The following NCOA7 variants were observed in gnomAD, a reference collection of about 807,000 sequenced individuals.
NCOA7 encodes the protein nuclear receptor coactivator 7.
A neutral mutation model predicts 104.3 loss-of-function variants in NCOA7; 45 were observed. The ratio of observed to expected loss-of-function variants is 0.43; its 90% confidence interval spans 0.34 to 0.55. NCOA7 has a LOEUF of 0.55. Ranked by LOEUF, NCOA7 falls within the 20% of genes least tolerant of loss-of-function variation. NCOA7 has a pLI of 0.02. For missense variants in NCOA7, 1,041 were observed against 1,119.7 expected, an observed-to-expected ratio of 0.93 and a Z score of 1.00; for synonymous variants, 398 against 402.3, an observed-to-expected ratio of 0.99 and a Z score of 0.13.
At chr6:125,824,301 A>G (rs1017865842) in intron 2 of NCOA7, among the ~76,000 whole-genome samples, 12 of 152,296 alleles carry the variant, frequency 7.9e-5, no homozygotes, top group African/African-American at 2.9e-4. Flanking sequence ...GTCATCTCAC[A>G]AAACCCCCAG....
chr6:125,915,459 G>C lies in NCOA7; in HGVS notation c.2223G>C (p.Glu741Asp), dbSNP rs147659124. 17 of 1,613,820 alleles carry C rather than the reference G, an allele frequency of 1.1e-5. No homozygotes were observed. The African/African-American group carries it at 2.1e-4, about 20-fold the overall frequency. ...ELNMIDNFFS[E>D]PTTKSWEIIT... ...ACATGATTGACAACTTCTTCAGTGA[G>C]CCAACAACCAAGAGCTGGGAGGTGA... The change falls in exon 11 of 16, where the codon GAG (glutamate) becomes GAC (aspartate). Residue 741 changes from glutamate (E) to aspartate (D), a missense_variant. Transcript: ENST00000392477.
intron 1 of NCOA7, among the ~76,000 whole-genome samples, chr6:125,781,590 C>G (rs1191481959): frequency 6.6e-6 from 1 of 152,148 alleles, no homozygotes; most frequent in Non-Finnish European, 1.5e-5. Context: ...AATCTTAGAT[C>G]AAGTTCAGTA....
intron 1 of NCOA7, among the ~76,000 whole-genome samples, chr6:125,794,483 A>G (rs894116972): frequency 6.6e-6 from 1 of 152,080 alleles, no homozygotes; most frequent in African/African-American, 2.4e-5. Context: ...CTTGATTCTG[A>G]TGTTTATCTA....
At chr6:125,842,980 A>G (rs1411194709) in intron 2 of NCOA7, among the ~76,000 whole-genome samples, 2 of 152,326 alleles carry the variant, frequency 1.3e-5, no homozygotes, top group African/African-American at 4.8e-5. Flanking sequence ...ATGTGATATG[A>G]TGCTCAGTTT....
At chr6:125,856,856 G>T (rs1228631428) in intron 3 of NCOA7, among the ~76,000 whole-genome samples, 1 of 152,152 alleles carries the variant, frequency 6.6e-6, no homozygotes, top group African/African-American at 2.4e-5. Context: ...TTGGTCCAAG[G>T]TAAGGGAAAC....
chr6:125,857,438 TATA>T (rs764911588), intron 3 of NCOA7, among the ~76,000 whole-genome samples: 61 of 127,136 alleles, frequency 4.8e-4, no homozygotes, highest in African/African-American at 2.4e-3. Context: ...CATATATATA[TATA>T]TTTTTTTTTT....
intron 3 of NCOA7, among the ~76,000 whole-genome samples, chr6:125,863,612 A>G (rs1782221238): frequency 7.2e-6 from 1 of 138,322 alleles, no homozygotes; most frequent in Admixed American, 6.9e-5. Flanking sequence ...ATAAAAGAGG[A>G]AAAATACTCT....
At chr6:125,873,089 C>T (rs966131097) in intron 3 of NCOA7, among the ~76,000 whole-genome samples, 1 of 152,108 alleles carries the variant, frequency 6.6e-6, no homozygotes, top group Non-Finnish European at 1.5e-5. Flanking sequence ...TATGTCACCC[C>T]TCAGTCTTCA....
chr6:125,814,989 G>A (rs1777449745), intron 1 of NCOA7, among the ~76,000 whole-genome samples: 1 of 152,076 alleles, frequency 6.6e-6, no homozygotes, highest in Admixed American at 6.5e-5. Flanking sequence ...ACATAGTTAG[G>A]CTACAATCTT....
At chr6:125,835,422 T>A (rs1270407402) in intron 2 of NCOA7, among the ~76,000 whole-genome samples, 2 of 152,078 alleles carry the variant, frequency 1.3e-5, no homozygotes, top group African/African-American at 4.8e-5. Flanking sequence ...CTGGTTCACA[T>A]AAGTAAAAAG....
chr6:125,812,478 AG>A (rs1424036488), intron 1 of NCOA7, among the ~76,000 whole-genome samples: 3 of 152,354 alleles, frequency 2.0e-5, no homozygotes, highest in Non-Finnish European at 4.4e-5. Context: ...AAGATAAACT[AG>A]TAAGAGCTGA....
intron 3 of NCOA7, among the ~76,000 whole-genome samples, chr6:125,874,576 G>A (rs1418305939): frequency 6.6e-6 from 1 of 152,036 alleles, no homozygotes; most frequent in East Asian, 1.9e-4. Context: ...TTTACATTAG[G>A]CATCATTTAT....
chr6:125,826,924 G>A (rs775246313), intron 2 of NCOA7, among the ~76,000 whole-genome samples: 41 of 152,186 alleles, frequency 2.7e-4, no homozygotes, highest in African/African-American at 9.4e-4. Flanking sequence ...TGGGCTGGGC[G>A]CGGTGACCCA....
At chr6:125,874,045 C>T (rs1443014305) in intron 3 of NCOA7, among the ~76,000 whole-genome samples, 4 of 152,182 alleles carry the variant, frequency 2.6e-5, no homozygotes, top group Admixed American at 2.0e-4. Flanking sequence ...TGAAATCTGG[C>T]CGGATGTGGT....
chr6:125,878,334 G>A lies in NCOA7; in HGVS notation c.423G>A (p.Leu141=). The A allele has an allele frequency of 6.2e-7, 1 of 1,612,496 alleles. No individual in the cohort carries two copies. Among genetic ancestry groups the A allele is most frequent in the Non-Finnish European group, 8.5e-7 (1 of 1,179,284 alleles). ...FNITPNKLVE[L]NKLFTHTIVP... ...TCACTCCCAATAAATTGGTGGAACT[G>A]AATAAACTTTTCACACATACTATTG... The change falls in exon 5 of 16, where the codon CTG becomes CTA. Residue 141 remains leucine (L), a synonymous_variant. Coordinates refer to ENST00000392477, the MANE Select transcript of NCOA7 (RefSeq NM_181782.5).
At chr6:125,916,257 G>T (rs551923163) in intron 11 of NCOA7, among the ~76,000 whole-genome samples, 1 of 152,166 alleles carries the variant, frequency 6.6e-6, no homozygotes, top group African/African-American at 2.4e-5. Flanking sequence ...TTTGCCTTCT[G>T]CCATGATTGT....
chr6:125,800,190 A>T (rs1305799102), intron 1 of NCOA7, among the ~76,000 whole-genome samples: 1 of 152,222 alleles, frequency 6.6e-6, no homozygotes, highest in Non-Finnish European at 1.5e-5. Context: ...TCAGAGAATT[A>T]TTAAGTTTAT....
rs181227935 is a variant in NCOA7, at chr6:125,924,904, C to T, written c.2523+2070C>T. Reference sequence around the variant, plus strand: ...GGTCCCCTGTATTTCTTATCTCCCACCCAAGATCAGTGTTTCTGAGGCTAA... The same window carrying T: ...GGTCCCCTGTATTTCTTATCTCCCATCCAAGATCAGTGTTTCTGAGGCTAA... On this transcript the variant is annotated intron_variant, in intron 13 of 15. Coordinates refer to ENST00000392477, the MANE Select transcript of NCOA7 (RefSeq NM_181782.5). Among the ~76,000 whole-genome samples, 204 of 152,248 alleles carry T rather than the reference C, an allele frequency of 1.3e-3. 1 individual carries two copies. Among genetic ancestry groups the T allele is most frequent in the Admixed American group, 3.3e-3 (51 of 15,294 alleles).
At chr6:125,825,174 C>CAAAAAA (rs60707053) in intron 2 of NCOA7, among the ~76,000 whole-genome samples, 2 of 54,104 alleles carry the variant, frequency 3.7e-5, no homozygotes, top group Admixed American at 1.7e-4. Context: ...CCTGTCTCTA[C>CAAAAAA]AAAAAAAAAA....
Sources: allele counts gnomAD v4.1 joint callset (sites outside exome capture counted in the v4.1 genomes callset), GRCh38; gene constraint gnomAD v4.1.1; transcripts MANE v1.5; gene names NCBI Gene and HGNC (gene_info 2026-07-23, HGNC 2026-07-21).